Variants in THADA observed in about 807,000 individuals in gnomAD.
The protein encoded by THADA is THADA armadillo repeat containing, also known as tRNA (32-2'-O)-methyltransferase regulator THADA.
Under a neutral mutation model 219.8 loss-of-function variants are expected in THADA, and 213 were observed. The observed-to-expected ratio is 0.97, with a 90% CI of 0.87 to 1.09. THADA has a LOEUF of 1.09. THADA is among the 50% of genes least tolerant of loss of function. The pLI is 0.00. For missense variants in THADA, 2,956 were observed against 2,311.3 expected, an observed-to-expected ratio of 1.28 and a Z score of -5.72; for synonymous variants, 1,018 against 828.9, an observed-to-expected ratio of 1.23 and a Z score of -3.92.
intron 17 of THADA, among the ~76,000 whole-genome samples, chr2:43,555,603 A>T (rs558292527): frequency 1.1e-4 from 17 of 152,252 alleles, no homozygotes; most frequent in African/African-American, 4.1e-4. Flanking sequence ...GTAGGCAAGC[A>T]TCATCCTCCA....
At chr2:43,439,860 C>G (rs1255622442) in intron 26 of THADA, among the ~76,000 whole-genome samples, 1 of 152,050 alleles carries the variant, frequency 6.6e-6, no homozygotes, top group South Asian at 2.1e-4. Flanking sequence ...CATTGTTATT[C>G]TTTAAACCTT....
intron 26 of THADA, among the ~76,000 whole-genome samples, chr2:43,460,511 C>A (rs1406131730): frequency 6.6e-6 from 1 of 152,142 alleles, no homozygotes; most frequent in Admixed American, 6.6e-5. Flanking sequence ...CTGAAAATAG[C>A]TCGCTGTCTT....
chr2:43,460,238 T>TAAAAAAAA (rs10560565), intron 26 of THADA, among the ~76,000 whole-genome samples: 14 of 63,542 alleles, frequency 2.2e-4, no homozygotes, highest in African/African-American at 7.1e-4. Context: ...TTTCTCTTAA[T>TAAAAAAAA]AAAAAAAAAA....
intron 26 of THADA, among the ~76,000 whole-genome samples, chr2:43,453,251 A>T (rs555178831): frequency 6.6e-6 from 1 of 152,238 alleles, no homozygotes; most frequent in Non-Finnish European, 1.5e-5. Context: ...CAGCTGCAGA[A>T]GTATGGAAAA....
intron 26 of THADA, among the ~76,000 whole-genome samples, chr2:43,430,857 C>G (rs1301265496): frequency 6.6e-6 from 1 of 152,226 alleles, no homozygotes; most frequent in Non-Finnish European, 1.5e-5. Flanking sequence ...TGTCTTTAGA[C>G]ATTGCCAAAT....
At chr2:43,403,321 C>T (rs879636025) in intron 28 of THADA, among the ~76,000 whole-genome samples, 2 of 152,126 alleles carry the variant, frequency 1.3e-5, no homozygotes, top group Non-Finnish European at 2.9e-5. Flanking sequence ...ATTTGTAGAC[C>T]GTGAAGCAGA....
chr2:43,521,320 C>A (rs1322177160), intron 22 of THADA, among the ~76,000 whole-genome samples: 1 of 151,982 alleles, frequency 6.6e-6, no homozygotes. Flanking sequence ...TTTGGGAGGC[C>A]GAGGCAGGTG....
intron 26 of THADA, among the ~76,000 whole-genome samples, chr2:43,432,454 C>G (rs1573618614): frequency 6.8e-6 from 1 of 147,844 alleles, no homozygotes; most frequent in Non-Finnish European, 1.5e-5. Flanking sequence ...GGCATGGGTT[C>G]TTTACCTTTT....
chr2:43,408,524 A>T (rs1675877906), intron 28 of THADA: 1 of 152,212 alleles, frequency 6.6e-6, no homozygotes, highest in Admixed American at 6.5e-5. Context: ...GCTTTAAGTG[A>T]CTTTTTTGGT....
rs1011839202 is a variant in THADA at position 43,341,572 on chromosome 2, T to C, written c.4343+2550A>G. On this transcript the variant is annotated intron_variant, in intron 30 of 37. Coordinates refer to ENST00000405975, the MANE Select transcript of THADA (RefSeq NM_022065.5). ...CTCCATCTCATCCAACAAGAGGTAA[T>C]GGACTCAGGAAGCCAGTGGATAATG... Among the ~76,000 whole-genome samples the C allele has an allele frequency of 3.9e-5, 6 of 152,120 alleles. No homozygotes were observed. The East Asian group carries it at 9.6e-4, about 24-fold the overall frequency.
chr2:43,246,547 C>T (rs1201495434), intron 36 of THADA, among the ~76,000 whole-genome samples: 1 of 151,978 alleles, frequency 6.6e-6, no homozygotes, highest in Non-Finnish European at 1.5e-5. Context: ...AGAAAGTTCC[C>T]TTACTATAGG....
chr2:43,551,841 T>C lies in THADA; in HGVS notation c.2895A>G (p.Pro965=), dbSNP rs750255197. The C allele has an allele frequency of 2.5e-6, 4 of 1,613,892 alleles. No individual in the cohort carries two copies. The highest frequency in any genetic ancestry group is 2.2e-5 in the East Asian group (1 of 44,876). The change falls in exon 19 of 38, where the codon CCA becomes CCG. Residue 965 remains proline, a synonymous_variant. Coordinates refer to ENST00000405975, the MANE Select transcript of THADA (RefSeq NM_022065.5). ...CTTCAGGGGATGAGCTCTGAATGAC[T>C]GGAGACACCACAGTGGAAAGCCTGT... The part of the protein sequence containing the change: ...MSYRLSTVVS[P]VIQSSSPEGL...
intron 26 of THADA, among the ~76,000 whole-genome samples, chr2:43,462,818 T>C (rs1051115575): frequency 1.3e-5 from 2 of 152,148 alleles, no homozygotes; most frequent in African/African-American, 4.8e-5. Flanking sequence ...TGGAAAATTG[T>C]CTTAAATACT....
At position 43,581,883 on chromosome 2, in the gene THADA, G is replaced by C. The variant is rs746557034; in HGVS notation, c.579C>G (p.Asp193Glu). The C allele has an allele frequency of 1.3e-6, 2 of 1,599,558 alleles. No homozygotes were observed. The highest frequency in any genetic ancestry group is 1.7e-6 in the Non-Finnish European group (2 of 1,175,388). Residue 193 changes from aspartate to glutamate, a missense_variant, in exon 8 of 38, where the codon GAC becomes GAG. Physicochemically the swap from Asp to Glu is conservative, Grantham distance 45. Coordinates refer to ENST00000405975, the MANE Select transcript of THADA (RefSeq NM_022065.5). ...NHIIQTQLMN[D>E]LLVGIRVSMM... ...TTGAAACTCTAATGCCTACCAGTAAGTCATTCATCAACTGTGTTTGAATAA... is the reference window on the plus strand; with the variant it reads ...TTGAAACTCTAATGCCTACCAGTAACTCATTCATCAACTGTGTTTGAATAA...
intron 29 of THADA, among the ~76,000 whole-genome samples, chr2:43,352,638 T>C (rs1006315285): frequency 1.3e-4 from 20 of 152,078 alleles, no homozygotes; most frequent in African/African-American, 3.9e-4. Flanking sequence ...TTTTATTGTG[T>C]ATATTTAAGG....
intron 26 of THADA, among the ~76,000 whole-genome samples, chr2:43,459,607 T>A (rs996915706): frequency 1.3e-5 from 2 of 152,214 alleles, no homozygotes; most frequent in Non-Finnish European, 2.9e-5. Context: ...CTGTATCTCA[T>A]GAACCTAGTA....
In THADA at chr2:43,424,622, A is replaced by T. The variant is rs577013368; in HGVS notation, c.4058+3478T>A. Among the ~76,000 whole-genome samples the T allele has an allele frequency of 3.3e-5, 5 of 152,350 alleles. No individual in the cohort carries two copies. In the South Asian group the frequency reaches 1.0e-3, roughly 32 times the overall value. On this transcript the variant is annotated intron_variant, in intron 28 of 37. Transcript: ENST00000405975. ...AATATTCTCAGAGGTCATCTAAATC[A>T]AATGCATACAGTTTTATCACATTCA...
In THADA at chr2:43,530,168, C is replaced by T. The variant is rs181875484; in HGVS notation, c.3265-2180G>A. ...ATAATTTTTTTAAAAAAAATTCTAA[C>T]TCTTTAGTATCCCAAAGAGTGACAG... On this transcript the variant is annotated intron_variant, in intron 21 of 37. Transcript: ENST00000405975. Among the ~76,000 whole-genome samples, 14 of 152,248 alleles carry T rather than the reference C, an allele frequency of 9.2e-5. No individual in the cohort carries two copies. The East Asian group carries it at 2.3e-3, about 25-fold the overall frequency.
chr2:43,557,192 T>C (rs1369575539), intron 16 of THADA, among the ~76,000 whole-genome samples: 1 of 152,234 alleles, frequency 6.6e-6, no homozygotes, highest in Non-Finnish European at 1.5e-5. Flanking sequence ...GAGTTTTTTA[T>C]TACAGTAATT....
Sources: gnomAD v4.1 joint callset for allele counts (sites outside exome capture counted in the v4.1 genomes callset) on GRCh38, gnomAD v4.1.1 for gene constraint, MANE v1.5 for transcripts, NCBI Gene and HGNC (gene_info 2026-07-23, HGNC 2026-07-21) for gene names.